UNC13C: variants seen among roughly 807,000 people sequenced by gnomAD.
The protein encoded by UNC13C is protein unc-13 homolog C.
Under a neutral mutation model 245.4 loss-of-function variants are expected in UNC13C, and 174 were observed. That is an observed-to-expected ratio of 0.71 (90% CI 0.63 to 0.80). UNC13C has a LOEUF of 0.80. Ranked by LOEUF, UNC13C falls within the 30% of genes least tolerant of loss-of-function variation. UNC13C has a pLI of 0.00. For synonymous variants in UNC13C, 992 were observed against 895.1 expected, an observed-to-expected ratio of 1.11 and a Z score of -1.93; for missense variants, 2,829 against 2,602.9, an observed-to-expected ratio of 1.09 and a Z score of -1.89.
At chr15:54,309,077 TCTTA>T (rs1197851968) in intron 13 of UNC13C, among the ~76,000 whole-genome samples, 2 of 151,848 alleles carry the variant, frequency 1.3e-5, no homozygotes, top group African/African-American at 4.8e-5. Flanking sequence ...TGAGGAAGCT[TCTTA>T]CTGTTTGTCA....
chr15:54,279,702 T>G (rs765175600), intron 10 of UNC13C, among the ~76,000 whole-genome samples: 2 of 152,206 alleles, frequency 1.3e-5, no homozygotes, highest in African/African-American at 4.8e-5. Context: ...AAACTCTGGC[T>G]ATTGATTTTG....
chr15:54,038,124 A>ATATATAAAAATTTTTTTTTTTTTTTTTT, intron 2 of UNC13C, among the ~76,000 whole-genome samples: 13 of 45,032 alleles, frequency 2.9e-4, no homozygotes, highest in African/African-American at 1.4e-3. Context: ...ATATATATAT[A>ATATATAAAAATTTTTTTTTTTTTTTTTT]TTTTTTTTTT....
rs566879975 is a variant in UNC13C, at chr15:54,177,604, C to T, written c.3071+33920C>T. 2.6e-5 allele frequency among the ~76,000 whole-genome samples: 4 copies of T among 152,190 alleles called. No individual in the cohort carries two copies. In the South Asian group the frequency reaches 8.3e-4, roughly 32 times the overall value. On this transcript the variant is annotated intron_variant, in intron 4 of 32. Transcript: ENST00000260323. ...TATTTTTCTCTTTGCTTCTTTGATT[C>T]AGTGTGTATTGTCTTCTGTGAGTCT... is the stretch of plus-strand genomic sequence containing the variant.
At chr15:54,033,137 TA>T (rs956949885) in intron 2 of UNC13C, among the ~76,000 whole-genome samples, 5 of 151,732 alleles carry the variant, frequency 3.3e-5, no homozygotes, top group African/African-American at 1.2e-4. Flanking sequence ...CCTATGGAAA[TA>T]AAAAAAATTT....
intron 10 of UNC13C, among the ~76,000 whole-genome samples, chr15:54,286,540 A>G (rs2037154790): frequency 6.6e-6 from 1 of 152,186 alleles, no homozygotes; most frequent in Non-Finnish European, 1.5e-5. Flanking sequence ...TATGAAAGCC[A>G]TGAGCGTTTC....
chr15:54,203,829 T>TATATACAC (rs1555430918), intron 4 of UNC13C, among the ~76,000 whole-genome samples: 1 of 138,108 alleles, frequency 7.2e-6, no homozygotes, highest in Non-Finnish European at 1.6e-5. Context: ...TACGTGTATG[T>TATATACAC]ATATACACAT....
the UNC13C span, among the ~76,000 whole-genome samples, chr15:53,900,302 C>T: frequency 3.9e-5 from 6 of 152,038 alleles, no homozygotes; most frequent in African/African-American, 9.7e-5. Context: ...GATGGCCATA[C>T]GAGTTATAAA....
intron 30 of UNC13C, among the ~76,000 whole-genome samples, chr15:54,620,536 A>AAATT (rs1229062052): frequency 1.3e-5 from 2 of 152,132 alleles, no homozygotes; most frequent in East Asian, 3.9e-4. Flanking sequence ...TGCTGCGAGA[A>AAATT]AATTACTCAT....
chr15:54,612,068 T>C (rs1415961020), intron 30 of UNC13C, among the ~76,000 whole-genome samples: 1 of 45,252 alleles, frequency 2.2e-5, no homozygotes. Flanking sequence ...TAAAACACCA[T>C]CTGTCACATA....
chr15:54,107,762 T>C (rs1463762707), intron 2 of UNC13C, among the ~76,000 whole-genome samples: 1 of 152,180 alleles, frequency 6.6e-6, no homozygotes, highest in African/African-American at 2.4e-5. Context: ...TACTTTAGGG[T>C]GGTTTTGCTG....
intron 17 of UNC13C, among the ~76,000 whole-genome samples, chr15:54,381,548 T>C (rs555162032): frequency 2.1e-3 from 320 of 152,294 alleles, no homozygotes; most frequent in Non-Finnish European, 3.5e-3. Flanking sequence ...TTGGGTCATA[T>C]AGATATTTTA....
intron 26 of UNC13C, among the ~76,000 whole-genome samples, chr15:54,544,520 G>A (rs550980430): frequency 6.6e-6 from 1 of 152,308 alleles, no homozygotes; most frequent in African/African-American, 2.4e-5. Flanking sequence ...TCTGTTTGCA[G>A]ATGACATGAT....
At chr15:54,120,168 AAAGCTGGAGAACAG>A (rs1408862975) in intron 2 of UNC13C, among the ~76,000 whole-genome samples, 2 of 152,204 alleles carry the variant, frequency 1.3e-5, no homozygotes, top group African/African-American at 4.8e-5. Context: ...CAGGACTTTT[AAAGCTGGAGAACAG>A]AAGTCAGTGC....
At chr15:54,222,564 G>A (rs1250098310) in intron 4 of UNC13C, among the ~76,000 whole-genome samples, 1 of 152,048 alleles carries the variant, frequency 6.6e-6, no homozygotes, top group African/African-American at 2.4e-5. Flanking sequence ...GAGAGAGCAG[G>A]TATCTCTTCA....
intron 30 of UNC13C, among the ~76,000 whole-genome samples, chr15:54,580,418 G>C (rs1039256415): frequency 6.6e-6 from 1 of 152,144 alleles, no homozygotes. Context: ...ACAAACCTCT[G>C]GTGTAAAACT....
chr15:54,227,068 T>G (rs894344831), intron 4 of UNC13C, among the ~76,000 whole-genome samples: 5 of 152,132 alleles, frequency 3.3e-5, no homozygotes, highest in Non-Finnish European at 5.9e-5. Flanking sequence ...CCAGGAAGAA[T>G]GAGGCACGCA....
chr15:53,938,121 G>T, the UNC13C span, among the ~76,000 whole-genome samples: 1 of 152,218 alleles, frequency 6.6e-6, no homozygotes, highest in Non-Finnish European at 1.5e-5. Flanking sequence ...CCATTGGTAT[G>T]CTGTCTTCAA....
chr15:54,466,542 T>G (rs2141035262), intron 19 of UNC13C, among the ~76,000 whole-genome samples: 1 of 152,052 alleles, frequency 6.6e-6, no homozygotes, highest in East Asian at 1.9e-4. Flanking sequence ...GGAGATGAAC[T>G]TCAGGCTGAA....
At chr15:53,878,798 T>C in the UNC13C span, among the ~76,000 whole-genome samples, 1 of 152,180 alleles carries the variant, frequency 6.6e-6, no homozygotes, top group Non-Finnish European at 1.5e-5. Context: ...TCTTATTGCA[T>C]TGATAGAGAT....
Sources: gnomAD v4.1 joint callset for allele counts (sites outside exome capture counted in the v4.1 genomes callset) on GRCh38, gnomAD v4.1.1 for gene constraint, MANE v1.5 for transcripts, NCBI Gene and HGNC (gene_info 2026-07-23, HGNC 2026-07-21) for gene names.